Variants in ELF2 observed in about 807,000 individuals in gnomAD.
ELF2 encodes the protein ETS-related transcription factor Elf-2.
A neutral mutation model predicts 54.8 loss-of-function variants in ELF2; 11 were observed. The ratio of observed to expected loss-of-function variants is 0.20; its 90% confidence interval spans 0.13 to 0.33. ELF2 has a LOEUF of 0.33. ELF2 is among the 10% of genes least tolerant of loss of function. The pLI, the probability that ELF2 is intolerant of heterozygous loss-of-function variation, is 1.00. For missense variants in ELF2, 513 were observed against 703.0 expected (o/e 0.73, Z 3.06); for synonymous variants, 203 against 245.1 (o/e 0.83, Z 1.61).
At chr4:139,144,513 G>A (rs1739029889) in intron 1 of ELF2, among the ~76,000 whole-genome samples, 1 of 152,154 alleles carries the variant, frequency 6.6e-6, no homozygotes, top group Non-Finnish European at 1.5e-5. Context: ...GAACTGGGCG[G>A]ATGACTGGGA....
intron 4 of ELF2, chr4:139,084,387 G>A (rs917821492): frequency 3.4e-6 from 5 of 1,450,440 alleles, no homozygotes; most frequent in African/African-American, 1.4e-5. Flanking sequence ...TCCCGCCGCC[G>A]GGCTGAGAAA....
At chr4:139,168,796 G>A (rs1741969282) in intron 1 of ELF2, among the ~76,000 whole-genome samples, 2 of 152,024 alleles carry the variant, frequency 1.3e-5, no homozygotes, top group African/African-American at 2.4e-5. Flanking sequence ...TCAAACTCCT[G>A]GGCTCAAGCA....
intron 4 of ELF2, among the ~76,000 whole-genome samples, chr4:139,092,855 T>G (rs1039621499): frequency 2.0e-5 from 3 of 151,804 alleles, no homozygotes; most frequent in Non-Finnish European, 2.9e-5. Context: ...TATGAACAAT[T>G]ATATGCTACT....
At chr4:139,160,110 G>T (rs916888926) in intron 1 of ELF2, among the ~76,000 whole-genome samples, 1 of 152,158 alleles carries the variant, frequency 6.6e-6, no homozygotes, top group African/African-American at 2.4e-5. Context: ...GGCCAAGGCG[G>T]GCAGATCACG....
chr4:139,065,279 A>T (rs1298031603), intron 7 of ELF2, among the ~76,000 whole-genome samples: 1 of 152,174 alleles, frequency 6.6e-6, no homozygotes, highest in Non-Finnish European at 1.5e-5. Flanking sequence ...GGAGTATGAG[A>T]ATAGCCTAGG....
intron 5 of ELF2, among the ~76,000 whole-genome samples, chr4:139,072,958 T>A (rs1219242446): frequency 2.6e-5 from 4 of 152,162 alleles, no homozygotes; most frequent in African/African-American, 4.8e-5. Context: ...AAAATGACTA[T>A]CAAAGTTTTT....
chr4:139,156,902 G>C (rs1245653107), intron 1 of ELF2, among the ~76,000 whole-genome samples: 1 of 152,122 alleles, frequency 6.6e-6, no homozygotes, highest in African/African-American at 2.4e-5. Context: ...CCAAAGCGCT[G>C]GGATTTCAGG....
intron 4 of ELF2, among the ~76,000 whole-genome samples, chr4:139,092,620 G>T (rs1732794454): frequency 6.6e-6 from 1 of 151,906 alleles, no homozygotes; most frequent in Admixed American, 6.6e-5. Context: ...CTAACAGGGT[G>T]AAACCACGTC....
chr4:139,118,688 T>G (rs1315737152), intron 4 of ELF2, among the ~76,000 whole-genome samples: 1 of 152,056 alleles, frequency 6.6e-6, no homozygotes, highest in Non-Finnish European at 1.5e-5. Flanking sequence ...GCATTTGTTT[T>G]TTTTTTTTTA....
intron 1 of ELF2, among the ~76,000 whole-genome samples, chr4:139,151,030 A>AGAAAGAAAGAAAGAAAG (rs1560870894): frequency 4.8e-5 from 6 of 124,674 alleles, no homozygotes; most frequent in African/African-American, 1.6e-4. Flanking sequence ...TCTCAAAAAA[A>AGAAAGAAAGAAAGAAAG]AAAAAGAAAG....
At chr4:139,087,610 C>T (rs1317079491) in intron 4 of ELF2, among the ~76,000 whole-genome samples, 4 of 152,104 alleles carry the variant, frequency 2.6e-5, no homozygotes, top group South Asian at 2.1e-4. Context: ...GGACTACAGG[C>T]GCCCGCCTCC....
chr4:139,141,059 T>C (rs557713484), intron 1 of ELF2, among the ~76,000 whole-genome samples: 1 of 152,284 alleles, frequency 6.6e-6, no homozygotes, highest in Non-Finnish European at 1.5e-5. Flanking sequence ...AAACTCTACC[T>C]TGAATTTATC....
chr4:139,060,363 G>C lies in ELF2; in HGVS notation c.1118C>G (p.Pro373Arg). The C allele has an allele frequency of 1.2e-6, 2 of 1,613,274 alleles. No individual in the cohort carries two copies. Among genetic ancestry groups the C allele is most frequent in the Admixed American group, 3.3e-5 (2 of 59,966 alleles). The change falls in exon 9 of 10, where the codon CCT becomes CGT. Residue 373 changes from proline (P) to arginine (R), a missense_variant. By Grantham distance (103) the Pro-to-Arg change is moderately radical. Coordinates refer to ENST00000686138, the MANE Select transcript of ELF2 (RefSeq NM_001331036.3). ...TGCTGACACAGATGCAGTGGTAGTA[G>C]GAGACCTGGATGAAGCATCGTGCCC... ...SPGHDASSRS[P>R]TTTASVSATA...
intron 4 of ELF2, among the ~76,000 whole-genome samples, chr4:139,083,821 C>A (rs896249399): frequency 6.6e-6 from 1 of 152,216 alleles, no homozygotes; most frequent in Admixed American, 6.5e-5. Flanking sequence ...CCCCCGAGTG[C>A]CCAACTTAAC....
At chr4:139,138,815 A>AT (rs559915770) in intron 2 of ELF2, among the ~76,000 whole-genome samples, 1 of 152,210 alleles carries the variant, frequency 6.6e-6, no homozygotes. Flanking sequence ...ACTTTCCTCA[A>AT]TTTTTTGATA....
chr4:139,127,186 T>C (rs544643352), intron 3 of ELF2, among the ~76,000 whole-genome samples: 2 of 152,306 alleles, frequency 1.3e-5, no homozygotes, highest in African/African-American at 4.8e-5. Context: ...CCCAGATGTG[T>C]TCTGCTTTGA....
At chr4:139,084,065 A>AC in intron 4 of ELF2, 1 of 1,608,580 alleles carries the variant, frequency 6.2e-7, no homozygotes, top group African/African-American at 1.3e-5. Context: ...CAGGGGAGTC[A>AC]CCCCGCCTTC....
At chr4:139,128,204 G>A (rs896164213) in intron 3 of ELF2, among the ~76,000 whole-genome samples, 1 of 152,028 alleles carries the variant, frequency 6.6e-6, no homozygotes, top group South Asian at 2.1e-4. Flanking sequence ...GAACCCAGTA[G>A]GTGAAGGCTG....
intron 4 of ELF2, among the ~76,000 whole-genome samples, chr4:139,110,563 T>C (rs1441712839): frequency 6.6e-6 from 1 of 152,226 alleles, no homozygotes. Context: ...TTGAAAATTA[T>C]AAAGAAATCT....
Sources: allele counts gnomAD v4.1 joint callset (sites outside exome capture counted in the v4.1 genomes callset), GRCh38; gene constraint gnomAD v4.1.1; transcripts MANE v1.5; gene names NCBI Gene and HGNC (gene_info 2026-07-23, HGNC 2026-07-21).